The following SLC5A10 variants were observed in gnomAD, a reference collection of about 807,000 sequenced individuals.
The protein encoded by SLC5A10 is sodium/mannose cotransporter SLC5A10.
In SLC5A10, 55 loss-of-function variants were observed where a neutral mutation model predicts 68.9. The observed-to-expected ratio is 0.80, with a 90% confidence interval of 0.64 to 1.00. The LOEUF (loss-of-function observed/expected upper bound fraction) is 1.00, where lower values mean the gene tolerates loss of function less well. Ranked by LOEUF, SLC5A10 falls within the 50% of genes least tolerant of loss-of-function variation. The probability of loss-of-function intolerance (pLI) is 0.00; values close to 1 mark genes in which losing one functional copy is unlikely to be tolerated. For missense variants in SLC5A10, 732 were observed against 819.3 expected (o/e 0.89, Z 1.30); for synonymous variants, 344 against 344.8 (o/e 1.00, Z 0.02).
intron 9 of SLC5A10, among the ~76,000 whole-genome samples, chr17:18,981,203 T>G (rs1023138518): frequency 6.6e-6 from 1 of 151,914 alleles, no homozygotes; most frequent in Non-Finnish European, 1.5e-5. Context: ...TGTGAAGGGC[T>G]GGCCGGGAGG....
intron 9 of SLC5A10, among the ~76,000 whole-genome samples, chr17:18,989,354 G>A (rs925233253): frequency 3.3e-5 from 5 of 152,306 alleles, no homozygotes; most frequent in Admixed American, 2.0e-4. Flanking sequence ...TGGTGGAGGC[G>A]GCCTGGAGCC....
Position 18,968,114 on chromosome 17 carries a change from C to T in SLC5A10, c.454-938C>T, listed in dbSNP as rs770183205. ...GTCAGACCCCAGGAGGCAGGGATCC[C>T]TGCCTGGGGGAGCTCAAAGGGGCCT... On this transcript the variant is annotated intron_variant, in intron 5 of 14. Transcript: ENST00000395645. This position sits in a 1 kb window ranked among gnomAD's most constrained non-coding sequence, Gnocchi z 4.1. Among the ~76,000 whole-genome samples the T allele has an allele frequency of 8.5e-5, 13 of 152,254 alleles. No homozygotes were observed. Among genetic ancestry groups the T allele is most frequent in the Non-Finnish European group, 1.5e-4 (10 of 67,992 alleles).
In SLC5A10 at chr17:19,022,071, C is replaced by T. The variant is rs745455096; in HGVS notation, c.*1640C>T. The stretch of plus-strand genomic sequence containing the variant: ...CTCCAGGACCTCAATGATGTCGCCA[C>T]GGCGGAAGCTGAGCTGCGAGGGGTC... On this transcript the variant is annotated 3_prime_UTR_variant, in exon 15 of 15. Coordinates refer to ENST00000395645, the MANE Select transcript of SLC5A10 (RefSeq NM_001042450.4). 6 of 1,592,284 alleles carry T rather than the reference C, an allele frequency of 3.8e-6. No individual in the cohort carries two copies. Among genetic ancestry groups the T allele is most frequent in the Non-Finnish European group, 5.1e-6 (6 of 1,170,280 alleles).
At chr17:19,002,137 C>T (rs1211206583) in intron 9 of SLC5A10, among the ~76,000 whole-genome samples, 1 of 152,246 alleles carries the variant, frequency 6.6e-6, no homozygotes, top group Admixed American at 6.5e-5. Flanking sequence ...TCCTCTTCCT[C>T]TAACTCCTTC....
At chr17:18,986,291 G>T (rs1597865627) in intron 9 of SLC5A10, 1 of 152,228 alleles carries the variant, frequency 6.6e-6, no homozygotes, top group East Asian at 1.9e-4. Context: ...CCAATAAAAA[G>T]GATAAGAGAA....
intron 8 of SLC5A10, chr17:18,975,631 G>A (rs1461121669): frequency 6.6e-6 from 1 of 151,894 alleles, no homozygotes; most frequent in African/African-American, 2.4e-5. Flanking sequence ...GAAGGCAGAG[G>A]TTGCGGTGAC....
In SLC5A10 at chr17:19,013,467, G is replaced by C; in HGVS notation, c.1040G>C (p.Gly347Ala). The C allele has an allele frequency of 6.2e-7, 1 of 1,602,982 alleles. No individual in the cohort carries two copies. Among genetic ancestry groups the C allele is most frequent in the Non-Finnish European group, 8.5e-7 (1 of 1,174,866 alleles). Reference sequence around the variant, plus strand: ...CTGCGGGCCTGCGGGGCCGAGGTCGGCTGCTCCAACATCGCCTACCCCAAG... The same window carrying C: ...CTGCGGGCCTGCGGGGCCGAGGTCGCCTGCTCCAACATCGCCTACCCCAAG... ...ECLRACGAEVGCSNIAYPKLV... is the reference protein window; with the variant it reads ...ECLRACGAEVACSNIAYPKLV... Residue 347 changes from glycine (G) to alanine (A), a missense_variant, in exon 10 of 15, where the codon GGC becomes GCC. Transcript: ENST00000395645.
intron 8 of SLC5A10, among the ~76,000 whole-genome samples, chr17:18,974,425 C>T (rs561670465): frequency 6.6e-5 from 10 of 152,366 alleles, no homozygotes; most frequent in Admixed American, 3.3e-4. Context: ...TCTGGGCTCC[C>T]GTCTGGGCTA....
rs185732066 is a variant in SLC5A10, at chr17:18,977,404, C to T, written c.982+415C>T. On this transcript the variant is annotated intron_variant, in intron 9 of 14. Coordinates refer to ENST00000395645, the MANE Select transcript of SLC5A10 (RefSeq NM_001042450.4). ...AAGAGTCCCCAGCATTAATGATGGC[C>T]TTCCATATGGCCCTGGCCGGTTCCC... 79 of 643,874 alleles carry T rather than the reference C, an allele frequency of 1.2e-4. No individual in the cohort carries two copies. The African/African-American group carries it at 1.3e-3, about 11-fold the overall frequency. The allele number at this position is 643,874 out of a possible 1,614,324, so 39.9% of individuals were successfully genotyped here.
At position 18,963,209 on chromosome 17, in the gene SLC5A10, G is replaced by A. The variant is rs866002681; in HGVS notation, c.453+2557G>A. ...CAAAAGGCAGAGGGAAGAGTTCAGT[G>A]AAGTGGGAGGACCTTAGAAACAATC... On this transcript the variant is annotated intron_variant, in intron 5 of 14. Coordinates refer to ENST00000395645, the MANE Select transcript of SLC5A10 (RefSeq NM_001042450.4). Among the ~76,000 whole-genome samples the A allele has an allele frequency of 5.4e-4, 82 of 152,318 alleles. 2 individuals carry two copies. The highest frequency in any genetic ancestry group is 1.9e-3 in the African/African-American group (79 of 41,580).
intron 9 of SLC5A10, among the ~76,000 whole-genome samples, chr17:18,993,800 A>G (rs1301037907): frequency 6.6e-6 from 1 of 152,194 alleles, no homozygotes; most frequent in Non-Finnish European, 1.5e-5. Context: ...CTCCGATCTC[A>G]GCTCCTCCTG....
Position 19,021,655 on chromosome 17 carries a change from G to T in SLC5A10, c.*1224G>T, listed in dbSNP as rs1319952416. On this transcript the variant is annotated 3_prime_UTR_variant, in exon 15 of 15. Coordinates refer to ENST00000395645, the MANE Select transcript of SLC5A10 (RefSeq NM_001042450.4). The surrounding 1 kb of genome is among the most constrained non-coding windows in gnomAD (Gnocchi z 4.1). The stretch of plus-strand genomic sequence containing the variant: ...AGTCCTCAACCTTCCTGGCAGATGG[G>T]GCCATTGACAAGAGGAGGTGGGCGG... The T allele has an allele frequency of 2.8e-5, 11 of 397,214 alleles. 1 individual carries two copies. In the East Asian group the frequency reaches 3.9e-4, roughly 14 times the overall value. 24.6% of individuals were successfully genotyped at this position (397,214 alleles called of 1,614,324 possible). A position where few individuals can be genotyped will look rare whatever the true frequency, so the allele number is the denominator to read the frequency against.
intron 9 of SLC5A10, among the ~76,000 whole-genome samples, chr17:19,007,140 T>A (rs2043909274): frequency 1.3e-5 from 2 of 151,952 alleles, no homozygotes; most frequent in African/African-American, 4.8e-5. Context: ...TCACCAACAA[T>A]GTATGAGTGA....
chr17:19,020,594 A>G lies in SLC5A10; in HGVS notation c.*163A>G. On this transcript the variant is annotated 3_prime_UTR_variant, in exon 15 of 15. Coordinates refer to ENST00000395645, the MANE Select transcript of SLC5A10 (RefSeq NM_001042450.4). ...GCCAGCAAAGCGGGAGCCCTGAAAAATTAGGGGGGAAATGGGAGAAAATAA... is the reference window on the plus strand; with the variant it reads ...GCCAGCAAAGCGGGAGCCCTGAAAAGTTAGGGGGGAAATGGGAGAAAATAA... 4.9e-6 allele frequency: 3 copies of G among 613,908 alleles called. No homozygotes were observed. In the South Asian group the frequency reaches 6.2e-5, roughly 13 times the overall value. The allele number at this position is 613,908 out of a possible 1,614,324, so 38.0% of individuals were successfully genotyped here. A position where few individuals can be genotyped will look rare whatever the true frequency, so the allele number is the denominator to read the frequency against.
Position 19,001,526 on chromosome 17 carries a change from G to A in SLC5A10, c.983-11884G>A, listed in dbSNP as rs75835798. The stretch of plus-strand genomic sequence containing the variant: ...CACTCACTATGGGGCCATGTAGACA[G>A]ACTGGCACCCAAACTGGAGACCAGC... On this transcript the variant is annotated intron_variant, in intron 9 of 14. Coordinates refer to ENST00000395645, the MANE Select transcript of SLC5A10 (RefSeq NM_001042450.4). Among the ~76,000 whole-genome samples, 497 of 152,356 alleles carry A rather than the reference G, an allele frequency of 3.3e-3. 14 individuals carry two copies. The East Asian group carries it at 0.059, about 18-fold the overall frequency.
rs1025257247 is a variant in SLC5A10 at position 19,017,286 on chromosome 17, C to G, written c.1241+2087C>G. The stretch of plus-strand genomic sequence containing the variant: ...TCAACTTCCCGTCCCTCTTACAGCA[C>G]TGGGATACCCTCAACACCCCCAGCC... On this transcript the variant is annotated intron_variant, in intron 11 of 14. Transcript: ENST00000395645. This position sits in a 1 kb window ranked among gnomAD's most constrained non-coding sequence, Gnocchi z 5.6. The G allele has an allele frequency of 1.9e-6, 3 of 1,551,872 alleles. No individual in the cohort carries two copies. The African/African-American group carries it at 4.1e-5, about 21-fold the overall frequency.
intron 9 of SLC5A10, 63 bp from the exon 10 acceptor site, chr17:19,013,347 T>A (rs1446268968): frequency 6.3e-7 from 1 of 1,595,042 alleles, no homozygotes; most frequent in Non-Finnish European, 8.5e-7. Flanking sequence ...CCCAGCCCTA[T>A]CTTGCCCACC....
intron 7 of SLC5A10, 69 bp downstream of exon 7, chr17:18,969,491 C>T (rs1038304945): frequency 1.5e-5 from 21 of 1,430,054 alleles, no homozygotes; most frequent in African/African-American, 8.4e-5. Context: ...TGGCACTGCC[C>T]GGCACTGTGC....
In SLC5A10 at chr17:18,979,330, C is replaced by T. The variant is rs532697389; in HGVS notation, c.982+2341C>T. The T allele has an allele frequency of 1.4e-4, 84 of 616,130 alleles. No homozygotes were observed. In the Admixed American group the frequency reaches 1.4e-3, roughly 10 times the overall value. 38.2% of individuals were successfully genotyped at this position (616,130 alleles called of 1,614,324 possible). On this transcript the variant is annotated intron_variant, in intron 9 of 14. Coordinates refer to ENST00000395645, the MANE Select transcript of SLC5A10 (RefSeq NM_001042450.4). ...GCCTGGCCACACCCCACCTCCAGGC[C>T]GGTGACATCTCCAAGCTGGAACAAC...
Sources: allele counts gnomAD v4.1 joint callset (sites outside exome capture counted in the v4.1 genomes callset), GRCh38; gene constraint gnomAD v4.1.1; non-coding constraint Gnocchi (gnomAD v3.1); transcripts MANE v1.5; gene names NCBI Gene and HGNC (gene_info 2026-07-23, HGNC 2026-07-21).